PCDHGA10: variants seen among roughly 807,000 people sequenced by gnomAD.
PCDHGA10 encodes protocadherin gamma subfamily A, 10.
PCDHGA10 carries 42 observed loss-of-function variants against 59.5 expected under a neutral mutation model. The ratio of observed to expected loss-of-function variants is 0.71; its 90% CI spans 0.55 to 0.91. The LOEUF is 0.91. Among genes scored for constraint, PCDHGA10 ranks in the 40% least tolerant of loss-of-function variants. The pLI, the probability that PCDHGA10 is intolerant of heterozygous loss-of-function variation, is 0.00. For missense variants in PCDHGA10, 1,111 were observed against 1,198.2 expected (o/e 0.93, Z 1.07); for synonymous variants, 511 against 517.2 (o/e 0.99, Z 0.16).
intron 1 of PCDHGA10, among the ~76,000 whole-genome samples, chr5:141,482,914 A>G (rs1023561837): frequency 6.6e-6 from 1 of 152,162 alleles, no homozygotes; most frequent in Non-Finnish European, 1.5e-5. Context: ...TCTATTAAAA[A>G]TACAAAAAAT....
At chr5:141,509,136 C>T (rs1217992935) in intron 3 of PCDHGA10, among the ~76,000 whole-genome samples, 1 of 152,142 alleles carries the variant, frequency 6.6e-6, no homozygotes, top group Non-Finnish European at 1.5e-5. Context: ...AAAACCGAGG[C>T]GCATCCCGGC....
At chr5:141,495,015 G>C in intron 2 of PCDHGA10, 150 bp downstream of exon 2, 2 of 1,507,428 alleles carry the variant, frequency 1.3e-6, no homozygotes, top group East Asian at 4.9e-5. Flanking sequence ...CGGGGGGCTG[G>C]CACACAGACC....
intron 1 of PCDHGA10, among the ~76,000 whole-genome samples, chr5:141,446,149 G>T (rs2098490670): frequency 6.6e-6 from 1 of 152,178 alleles, no homozygotes; most frequent in Non-Finnish European, 1.5e-5. Context: ...GGAATAGGTG[G>T]AATATAAATT....
At position 141,486,455 on chromosome 5, in the gene PCDHGA10, T is replaced by G; in HGVS notation, c.2437-8352T>G. On this transcript the variant is annotated intron_variant, in intron 1 of 3. Transcript: ENST00000398610. This position sits in a 1 kb window ranked among gnomAD's most constrained non-coding sequence, Gnocchi z 5.0. Reference sequence around the variant, plus strand: ...TAGCTATGACATCATGGTCACTGCTTCTGATGCTGGGAACCCTCCTCTCAG... The same window carrying G: ...TAGCTATGACATCATGGTCACTGCTGCTGATGCTGGGAACCCTCCTCTCAG... 6.2e-7 allele frequency: 1 copy of G among 1,614,066 alleles called. No homozygotes were observed. Among genetic ancestry groups the G allele is most frequent in the Non-Finnish European group, 8.5e-7 (1 of 1,179,892 alleles).
chr5:141,481,871 G>T (rs372191396), intron 1 of PCDHGA10, among the ~76,000 whole-genome samples: 1 of 144,788 alleles, frequency 6.9e-6, no homozygotes, highest in Non-Finnish European at 1.5e-5. Context: ...CCGAGATCGC[G>T]CCACTGCACT....
At position 141,511,108 on chromosome 5, in the gene PCDHGA10, G is replaced by A; in HGVS notation, c.2746G>A (p.Asp916Asn). The A allele has an allele frequency of 6.2e-7, 1 of 1,614,244 alleles. No homozygotes were observed. The highest frequency in any genetic ancestry group is 2.2e-5 in the East Asian group (1 of 44,882). Residue 916 changes from aspartate (D) to asparagine (N), a missense_variant, in exon 4 of 4, where the codon GAT (aspartate) becomes AAT (asparagine). Physicochemically the swap from Asp to Asn is conservative, Grantham distance 23. Coordinates refer to ENST00000398610, the MANE Select transcript of PCDHGA10 (RefSeq NM_018913.3). ...ATLTNAAGKR[D>N]GKAPAGGNGN... Reference sequence around the variant, plus strand: ...ACTGACCAACGCAGCTGGCAAGCGGGATGGCAAGGCCCCAGCAGGTGGCAA... The same window carrying A: ...ACTGACCAACGCAGCTGGCAAGCGGAATGGCAAGGCCCCAGCAGGTGGCAA...
chr5:141,490,822 C>T lies in PCDHGA10; in HGVS notation c.2437-3985C>T. ...GCGTACCTTTGACTATGAATTGCTG[C>T]AGATGCTGCAGATTGTGGTGGGGGT... On this transcript the variant is annotated intron_variant, in intron 1 of 3. Coordinates refer to ENST00000398610, the MANE Select transcript of PCDHGA10 (RefSeq NM_018913.3). This position sits in a 1 kb window ranked among gnomAD's most constrained non-coding sequence, Gnocchi z 5.4. 2 of 1,613,842 alleles carry T rather than the reference C, an allele frequency of 1.2e-6. No individual in the cohort carries two copies. Among genetic ancestry groups the T allele is most frequent in the Non-Finnish European group, 1.7e-6 (2 of 1,179,790 alleles).
At chr5:141,503,620 A>C (rs1475731896) in intron 2 of PCDHGA10, among the ~76,000 whole-genome samples, 1 of 152,026 alleles carries the variant, frequency 6.6e-6, no homozygotes, top group East Asian at 1.9e-4. Flanking sequence ...AAAAAGAAAA[A>C]AGAAAAGAAA....
At chr5:141,429,105 C>G (rs936114624) in intron 1 of PCDHGA10, 1 of 152,318 alleles carries the variant, frequency 6.6e-6, no homozygotes, top group Non-Finnish European at 1.5e-5. Flanking sequence ...CTGCCCGCCT[C>G]GGCCTCCCAA....
At chr5:141,446,132 TA>T (rs1252851903) in intron 1 of PCDHGA10, among the ~76,000 whole-genome samples, 1 of 152,204 alleles carries the variant, frequency 6.6e-6, no homozygotes, top group African/African-American at 2.4e-5. Context: ...CAATAAGACT[TA>T]ATAATGGAAT....
Position 141,489,068 on chromosome 5 carries a change from G to GC in PCDHGA10, c.2437-5736dup. ...CTCAAATTCAGCTCCCCTCCCCCCT[G>GC]CCCACCCCCGCCACTCGGTGACTAA... On this transcript the variant is annotated intron_variant, in intron 1 of 3. Transcript: ENST00000398610. The surrounding 1 kb of genome is among the most constrained non-coding windows in gnomAD (Gnocchi z 4.5). 3 of 291,558 alleles carry GC rather than the reference G, an allele frequency of 1.0e-5. No homozygotes were observed. Among genetic ancestry groups the GC allele is most frequent in the Admixed American group, 5.4e-5 (1 of 18,530 alleles). 18.1% of individuals were successfully genotyped at this position (291,558 alleles called of 1,614,324 possible).
rs377138746 is a variant in PCDHGA10 at position 141,432,481 on chromosome 5, C to T, written c.2436+16870C>T. ...CCCTCCCCACGGACGGTTCCACTGG[C>T]GTGGAGCTGGCTCCCCGCTCCGCAG... On this transcript the variant is annotated intron_variant, in intron 1 of 3. Transcript: ENST00000398610. This position sits in a 1 kb window ranked among gnomAD's most constrained non-coding sequence, Gnocchi z 6.0. The T allele has an allele frequency of 1.1e-5, 17 of 1,614,198 alleles. No individual in the cohort carries two copies. The African/African-American group carries it at 1.7e-4, about 16-fold the overall frequency.
In PCDHGA10 at chr5:141,415,715, T is replaced by G. The variant is rs1051923200; in HGVS notation, c.2436+104T>G. 4 of 1,428,132 alleles carry G rather than the reference T, an allele frequency of 2.8e-6. No individual in the cohort carries two copies. In the African/African-American group the frequency reaches 4.5e-5, roughly 16 times the overall value. The allele number at this position is 1,428,132 out of a possible 1,614,324, so 88.5% of individuals were successfully genotyped here. Reference sequence around the variant, plus strand: ...GAAAGTGTAAATGCTAAAACACTGATGAGTAGAATTTGATGTTTATTAAGG... The same window carrying G: ...GAAAGTGTAAATGCTAAAACACTGAGGAGTAGAATTTGATGTTTATTAAGG... On this transcript the variant is annotated intron_variant, in intron 1 of 3. Transcript: ENST00000398610.
chr5:141,511,115 A>G lies in PCDHGA10; in HGVS notation c.2753A>G (p.Lys918Arg). 6.2e-7 allele frequency: 1 copy of G among 1,614,214 alleles called. No individual in the cohort carries two copies. Among genetic ancestry groups the G allele is most frequent in the Non-Finnish European group, 8.5e-7 (1 of 1,180,006 alleles). ...AACGCAGCTGGCAAGCGGGATGGCA[A>G]GGCCCCAGCAGGTGGCAATGGCAAC... Reference protein sequence around the residue: ...LTNAAGKRDGKAPAGGNGNKK... With the variant: ...LTNAAGKRDGRAPAGGNGNKK... Residue 918 changes from lysine (K) to arginine (R), a missense_variant, in exon 4 of 4, where the codon AAG becomes AGG. Coordinates refer to ENST00000398610, the MANE Select transcript of PCDHGA10 (RefSeq NM_018913.3).
In PCDHGA10 at chr5:141,415,132, C is replaced by T. The variant is rs752622569; in HGVS notation, c.1957C>T (p.His653Tyr). Reference sequence around the variant, plus strand: ...AAGCCTCGTAGTGGCCGTCCAGGACCACGGCCAGCCCCCTCTCTCCGCCAC... The same window carrying T: ...AAGCCTCGTAGTGGCCGTCCAGGACTACGGCCAGCCCCCTCTCTCCGCCAC... Reference protein sequence around the residue: ...KQSLVVAVQDHGQPPLSATVT... With the variant: ...KQSLVVAVQDYGQPPLSATVT... The change falls in exon 1 of 4, where the codon CAC (histidine) becomes TAC (tyrosine). Residue 653 changes from histidine to tyrosine, a missense_variant. His to Tyr is a moderately conservative substitution (Grantham distance 83, BLOSUM62 2). Coordinates refer to ENST00000398610, the MANE Select transcript of PCDHGA10 (RefSeq NM_018913.3). The T allele has an allele frequency of 2.5e-6, 4 of 1,613,696 alleles. No individual in the cohort carries two copies. Among genetic ancestry groups the T allele is most frequent in the Non-Finnish European group, 3.4e-6 (4 of 1,180,014 alleles).
chr5:141,464,260 G>A (rs546781463), intron 1 of PCDHGA10, among the ~76,000 whole-genome samples: 1 of 131,668 alleles, frequency 7.6e-6, no homozygotes, highest in Non-Finnish European at 1.6e-5. Flanking sequence ...GCGAGACTCC[G>A]TCTAAAAAAA....
intron 1 of PCDHGA10, chr5:141,421,230 G>T: frequency 6.3e-7 from 1 of 1,590,132 alleles, no homozygotes. Context: ...AGCCTGCCAT[G>T]GCGAATCGGC....
chr5:141,505,294 G>A, intron 2 of PCDHGA10, 99 bp from the exon 3 acceptor site: 1 of 1,572,086 alleles, frequency 6.4e-7, no homozygotes, highest in Non-Finnish European at 8.6e-7. Flanking sequence ...GCATGGGGTA[G>A]GGTTAGGGTA....
In PCDHGA10 at chr5:141,474,057, G is replaced by A. The variant is rs546654716; in HGVS notation, c.2437-20750G>A. Among the ~76,000 whole-genome samples, 3 of 152,192 alleles carry A rather than the reference G, an allele frequency of 2.0e-5. No homozygotes were observed. In the East Asian group the frequency reaches 5.8e-4, roughly 29 times the overall value. On this transcript the variant is annotated intron_variant, in intron 1 of 3. Transcript: ENST00000398610. ...TGTACTCCAGCCTGGATGACAGAGC[G>A]AGATCCTGCCTCAGAAACAAAAACC... is the stretch of plus-strand genomic sequence containing the variant.
Sources: allele counts gnomAD v4.1 joint callset (sites outside exome capture counted in the v4.1 genomes callset), GRCh38; gene constraint gnomAD v4.1.1; non-coding constraint Gnocchi (gnomAD v3.1); transcripts MANE v1.5; gene names NCBI Gene and HGNC (gene_info 2026-07-23, HGNC 2026-07-21).